PTDSS2: variants seen among roughly 807,000 people sequenced by gnomAD.
The protein encoded by PTDSS2 is phosphatidylserine synthase 2, also known as PSS-2.
Under a neutral mutation model 64.7 loss-of-function variants are expected in PTDSS2, and 41 were observed. The ratio of observed to expected loss-of-function variants is 0.63; its 90% CI spans 0.49 to 0.82. PTDSS2 has a LOEUF of 0.82. PTDSS2 is among the 40% of genes least tolerant of loss of function. The probability of loss-of-function intolerance (pLI) is 0.00; values close to 1 mark genes in which losing one functional copy is unlikely to be tolerated. For missense variants in PTDSS2, 485 were observed against 650.0 expected (o/e 0.75, Z 2.76); for synonymous variants, 297 against 277.8 (o/e 1.07, Z -0.69).
At chr11:485,675 CAG>C (rs1214002535) in intron 4 of PTDSS2, among the ~76,000 whole-genome samples, 32 of 134,118 alleles carry the variant, frequency 2.4e-4, no homozygotes, top group African/African-American at 9.3e-4. Context: ...CGAGTTTAAA[CAG>C]CGCACGGGCG....
chr11:464,619 C>T (rs1048983215), intron 2 of PTDSS2, among the ~76,000 whole-genome samples: 1 of 152,224 alleles, frequency 6.6e-6, no homozygotes, highest in African/African-American at 2.4e-5. Context: ...AGGGCAGCTT[C>T]GCGGCATCCT....
chr11:486,564 C>T (rs559551049), intron 4 of PTDSS2, among the ~76,000 whole-genome samples: 10 of 152,246 alleles, frequency 6.6e-5, no homozygotes, highest in Non-Finnish European at 1.2e-4. Context: ...ATCTCCTGGC[C>T]GGGCGTGGTG....
intron 1 of PTDSS2, among the ~76,000 whole-genome samples, chr11:457,226 G>A (rs1003084523): frequency 6.6e-5 from 10 of 152,210 alleles, no homozygotes; most frequent in Admixed American, 3.3e-4. Context: ...GTGTGGGTGC[G>A]TTCAGTGCAG....
chr11:490,429 A>G lies in PTDSS2; in HGVS notation c.1311A>G (p.Thr437=). ...GCATCCCGCTCCCCAGGGACATCAC[A>G]TTGAGGTACAAGGAGACCCGGTGGC... The part of the protein sequence containing the change: ...TVWRFFLRDI[T]LRYKETRWQK... The change falls in exon 12 of 12, where the codon ACA becomes ACG. Residue 437 remains threonine, a synonymous_variant. Transcript: ENST00000308020. 6.2e-7 allele frequency: 1 copy of G among 1,613,206 alleles called. No individual in the cohort carries two copies. The highest frequency in any genetic ancestry group is 8.5e-7 in the Non-Finnish European group (1 of 1,179,944).
At chr11:464,275 G>A (rs567928105) in intron 2 of PTDSS2, among the ~76,000 whole-genome samples, 34 of 152,306 alleles carry the variant, frequency 2.2e-4, no homozygotes, top group Non-Finnish European at 4.6e-4. Context: ...GAGCCACTGC[G>A]CCCGGCCCCG....
intron 4 of PTDSS2, among the ~76,000 whole-genome samples, chr11:482,741 G>T (rs574070728): frequency 6.6e-6 from 1 of 151,942 alleles, no homozygotes; most frequent in African/African-American, 2.4e-5. Flanking sequence ...TGAGTTTTTT[G>T]TAGATCTCCC....
At position 489,496 on chromosome 11, in the gene PTDSS2, G is replaced by A. The variant is rs1350893384; in HGVS notation, c.951G>A (p.Val317=). 6.2e-7 allele frequency: 1 copy of A among 1,613,158 alleles called. No homozygotes were observed. Among genetic ancestry groups the A allele is most frequent in the South Asian group, 1.1e-5 (1 of 91,072 alleles). ...PASSLRRWLA[V]CGIILVFLLA... is the part of the protein sequence containing the mutation. ...CCAGCCTGCGTCGCTGGCTGGCCGT[G>A]TGCGGCATCATCCTGGTGGTAAGGC... is the stretch of plus-strand genomic sequence containing the variant. Residue 317 remains valine (V), a synonymous_variant, in exon 9 of 12, where the codon GTG becomes GTA. Coordinates refer to ENST00000308020, the MANE Select transcript of PTDSS2 (RefSeq NM_030783.3).
chr11:473,825 C>G, intron 2 of PTDSS2, 70 bp from the exon 3 acceptor site: 1 of 1,224,404 alleles, frequency 8.2e-7, no homozygotes, highest in Non-Finnish European at 1.2e-6. Flanking sequence ...CTGGGGGTCC[C>G]TGCAGCCTCC....
At chr11:486,035 C>T (rs916598389) in intron 4 of PTDSS2, among the ~76,000 whole-genome samples, 5 of 151,278 alleles carry the variant, frequency 3.3e-5, no homozygotes, top group African/African-American at 7.3e-5. Context: ...TGTGCGCAGG[C>T]GAGTGTAAAC....
intron 3 of PTDSS2, among the ~76,000 whole-genome samples, chr11:474,979 CGTTTGTGATACGGACAT>C (rs1564979253): frequency 2.0e-5 from 3 of 147,564 alleles, no homozygotes; most frequent in Non-Finnish European, 4.5e-5. Flanking sequence ...CATGTTCACG[CGTTTGTGATACGGACAT>C]ATTCACGAGT....
At chr11:471,652 C>T (rs371993565) in intron 2 of PTDSS2, among the ~76,000 whole-genome samples, 46 of 138,010 alleles carry the variant, frequency 3.3e-4, no homozygotes, top group Admixed American at 2.6e-3. Flanking sequence ...GGGTGACACG[C>T]ACCTGTCTGG....
At chr11:483,888 C>T (rs7127967) in intron 4 of PTDSS2, among the ~76,000 whole-genome samples, 5,070 of 152,224 alleles carry the variant, frequency 0.033, 295 homozygotes, top group African/African-American at 0.12. Flanking sequence ...GTATCCCTGG[C>T]GCTGTGGACC....
chr11:475,788 A>G (rs534940356), intron 3 of PTDSS2, among the ~76,000 whole-genome samples: 27 of 152,370 alleles, frequency 1.8e-4, no homozygotes, highest in African/African-American at 5.5e-4. Context: ...ATTAGAATGT[A>G]CTACATTTAA....
At chr11:488,917 T>C (rs1379144338) in intron 8 of PTDSS2, among the ~76,000 whole-genome samples, 1 of 152,230 alleles carries the variant, frequency 6.6e-6, no homozygotes, top group African/African-American at 2.4e-5. Context: ...CATTCCGTGC[T>C]TCTCCCTCCC....
intron 2 of PTDSS2, among the ~76,000 whole-genome samples, chr11:472,132 G>A (rs1228830233): frequency 2.0e-5 from 3 of 152,138 alleles, no homozygotes; most frequent in East Asian, 1.9e-4. Context: ...CTGGGGTGAC[G>A]TGCGCCTGCA....
At position 477,935 on chromosome 11, in the gene PTDSS2, G is replaced by T. The variant is rs140268323; in HGVS notation, c.368-1150G>T. On this transcript the variant is annotated intron_variant, in intron 3 of 11. Transcript: ENST00000308020. ...TCCCTGTGCAGCTTTTCCTAAGAAC[G>T]CCAGGGCGTTTGTATTTCCTGCCAA... Among the ~76,000 whole-genome samples the T allele has an allele frequency of 1.9e-3, 290 of 152,338 alleles. 1 individual carries two copies. Among genetic ancestry groups the T allele is most frequent in the African/African-American group, 6.8e-3 (283 of 41,578 alleles).
intron 3 of PTDSS2, among the ~76,000 whole-genome samples, chr11:477,529 C>T (rs1421022016): frequency 6.6e-6 from 1 of 152,100 alleles, no homozygotes; most frequent in Non-Finnish European, 1.5e-5. Flanking sequence ...GGGTGGGAAG[C>T]GTGAGTGGGG....
At chr11:468,479 C>T (rs1847242751) in intron 2 of PTDSS2, among the ~76,000 whole-genome samples, 1 of 152,204 alleles carries the variant, frequency 6.6e-6, no homozygotes, top group Non-Finnish European at 1.5e-5. Flanking sequence ...AGATGGGGGT[C>T]CCGGCGGGGA....
At chr11:458,360 C>T (rs1174628482) in intron 1 of PTDSS2, among the ~76,000 whole-genome samples, 1 of 151,490 alleles carries the variant, frequency 6.6e-6, no homozygotes, top group Non-Finnish European at 1.5e-5. Flanking sequence ...GCCCACCCAC[C>T]ACACCCGGCT....
Sources: allele counts gnomAD v4.1 joint callset (sites outside exome capture counted in the v4.1 genomes callset), GRCh38; gene constraint gnomAD v4.1.1; transcripts MANE v1.5; gene names NCBI Gene and HGNC (gene_info 2026-07-23, HGNC 2026-07-21).